Variants in TBC1D8 observed in about 807,000 individuals in gnomAD.
TBC1D8 encodes TBC1 domain family member 8.
TBC1D8 carries 65 observed loss-of-function variants against 118.8 expected under a neutral mutation model. The observed-to-expected ratio is 0.55, with a 90% CI of 0.45 to 0.67. The LOEUF (loss-of-function observed/expected upper bound fraction) is 0.67. TBC1D8 is among the 30% of genes least tolerant of loss of function. The pLI, the probability that TBC1D8 is intolerant of heterozygous loss-of-function variation, is 0.00. For synonymous variants in TBC1D8, 566 were observed against 595.8 expected (o/e 0.95, Z 0.73); for missense variants, 1,376 against 1,471.2 (o/e 0.94, Z 1.06).
At chr2:101,013,455 C>G (rs1242351958) in intron 17 of TBC1D8, among the ~76,000 whole-genome samples, 1 of 152,210 alleles carries the variant, frequency 6.6e-6, no homozygotes, top group Non-Finnish European at 1.5e-5. Flanking sequence ...AATGGATTGA[C>G]AGACAATTTC....
intron 1 of TBC1D8, among the ~76,000 whole-genome samples, chr2:101,106,677 C>G (rs569453903): frequency 6.6e-6 from 1 of 152,176 alleles, no homozygotes; most frequent in Non-Finnish European, 1.5e-5. Context: ...AACACACATT[C>G]GGTAGAAACC....
At chr2:101,082,811 T>C (rs2105448931) in intron 2 of TBC1D8, among the ~76,000 whole-genome samples, 1 of 151,510 alleles carries the variant, frequency 6.6e-6, no homozygotes, top group Middle Eastern at 3.4e-3. Flanking sequence ...CAGGTAGAGT[T>C]TCAGTTTGGG....
At position 101,007,283 on chromosome 2, in the gene TBC1D8, T is replaced by A. The variant is rs1057591; in HGVS notation, c.*538A>T. ...TGGAAGCCAACATTGAAAGCATGGTTTGTACACAACAACATTTTTGGAAGG... is the reference window on the plus strand; with the variant it reads ...TGGAAGCCAACATTGAAAGCATGGTATGTACACAACAACATTTTTGGAAGG... On this transcript the variant is annotated 3_prime_UTR_variant, in exon 20 of 20. Transcript: ENST00000409318. The A allele has an allele frequency of 0.25, 38,792 of 152,404 alleles. 5,538 individuals are homozygous for A. Among genetic ancestry groups the A allele is most frequent in the South Asian group, 0.38 (1,828 of 4,828 alleles). 9.4% of individuals were successfully genotyped at this position (152,404 alleles called of 1,614,324 possible).
intron 1 of TBC1D8, among the ~76,000 whole-genome samples, chr2:101,123,387 A>T (rs1373821497): frequency 6.6e-6 from 1 of 152,112 alleles, no homozygotes; most frequent in Admixed American, 6.6e-5. Flanking sequence ...GGTTGTACAT[A>T]GTGCAAATTA....
At chr2:101,059,087 T>C (rs1212222811) in intron 3 of TBC1D8, among the ~76,000 whole-genome samples, 4 of 152,074 alleles carry the variant, frequency 2.6e-5, no homozygotes, top group South Asian at 2.1e-4. Flanking sequence ...TTTGTATTTT[T>C]TAGTACAGAT....
At chr2:101,118,500 T>G (rs947033083) in intron 1 of TBC1D8, among the ~76,000 whole-genome samples, 1 of 148,040 alleles carries the variant, frequency 6.8e-6, no homozygotes, top group Non-Finnish European at 1.5e-5. Flanking sequence ...ATCGAGACCA[T>G]CCTGGCTAAC....
intron 1 of TBC1D8, among the ~76,000 whole-genome samples, chr2:101,117,698 T>C (rs952208005): frequency 1.3e-5 from 2 of 151,028 alleles, no homozygotes; most frequent in East Asian, 2.0e-4. Flanking sequence ...CTCAGCCTCC[T>C]GAGTAGCTGG....
At chr2:101,093,311 G>A (rs1676167937) in intron 1 of TBC1D8, among the ~76,000 whole-genome samples, 1 of 152,102 alleles carries the variant, frequency 6.6e-6, no homozygotes, top group South Asian at 2.1e-4. Context: ...CCTAGCCCCA[G>A]CACTGTTCCA....
At chr2:101,037,382 T>A in intron 8 of TBC1D8, 150 bp downstream of exon 8, 1 of 1,160,292 alleles carries the variant, frequency 8.6e-7, no homozygotes, top group Non-Finnish European at 1.2e-6. Flanking sequence ...ACCTCAGTGG[T>A]CACTTTTCAC....
intron 2 of TBC1D8, among the ~76,000 whole-genome samples, chr2:101,060,320 T>C (rs748686574): frequency 2.6e-4 from 39 of 152,202 alleles, no homozygotes; most frequent in Non-Finnish European, 8.8e-5. Context: ...AATGAGCCTC[T>C]TGCCAGGGCC....
At chr2:101,126,869 T>G (rs765739752) in intron 1 of TBC1D8, among the ~76,000 whole-genome samples, 2 of 152,156 alleles carry the variant, frequency 1.3e-5, no homozygotes, top group Non-Finnish European at 2.9e-5. Context: ...TCTGTCCAAT[T>G]CTTTGAAGAC....
intron 19 of TBC1D8, 66 bp from the exon 20 acceptor site, chr2:101,008,339 C>T: frequency 7.8e-7 from 1 of 1,274,328 alleles, no homozygotes; most frequent in South Asian, 1.7e-5. Flanking sequence ...TTTTTTTAAA[C>T]ATACCTGTGA....
chr2:101,136,138 C>T (rs1433488814), intron 1 of TBC1D8, among the ~76,000 whole-genome samples: 1 of 152,084 alleles, frequency 6.6e-6, no homozygotes, highest in African/African-American at 2.4e-5. Flanking sequence ...ACAGCATGAG[C>T]CACTGGCCTG....
intron 3 of TBC1D8, among the ~76,000 whole-genome samples, chr2:101,057,450 A>G (rs565191248): frequency 6.6e-6 from 1 of 152,354 alleles, no homozygotes; most frequent in African/African-American, 2.4e-5. Flanking sequence ...CTGAGATGCT[A>G]TGTAAGCCCA....
At chr2:101,082,293 A>C (rs376090904) in intron 2 of TBC1D8, among the ~76,000 whole-genome samples, 2 of 152,190 alleles carry the variant, frequency 1.3e-5, no homozygotes, top group Non-Finnish European at 2.9e-5. Flanking sequence ...AGCACAGGAC[A>C]GAGTCATGAC....
chr2:101,033,849 G>A (rs191171770), intron 9 of TBC1D8, 91 bp from the exon 10 acceptor site: 12 of 1,413,242 alleles, frequency 8.5e-6, no homozygotes, highest in Non-Finnish European at 2.9e-6. Context: ...GGACCCCAGT[G>A]GGGTCTCGTT....
intron 1 of TBC1D8, 104 bp from the exon 2 acceptor site, chr2:101,090,468 CAG>C: frequency 8.0e-7 from 1 of 1,255,912 alleles, no homozygotes; most frequent in Non-Finnish European, 1.1e-6. Flanking sequence ...GCTGGGGTAG[CAG>C]AGACAGTTTT....
At chr2:101,089,010 T>C (rs922828595) in intron 2 of TBC1D8, among the ~76,000 whole-genome samples, 2 of 152,144 alleles carry the variant, frequency 1.3e-5, no homozygotes, top group African/African-American at 4.8e-5. Context: ...CCATGGGATA[T>C]GAATGTGAAT....
chr2:101,046,683 G>T (rs889915358), intron 5 of TBC1D8, among the ~76,000 whole-genome samples: 2 of 152,072 alleles, frequency 1.3e-5, no homozygotes, highest in African/African-American at 4.8e-5. Flanking sequence ...AGGGAGAGTG[G>T]GGGGAGGGGA....
Sources: allele counts gnomAD v4.1 joint callset (sites outside exome capture counted in the v4.1 genomes callset), GRCh38; gene constraint gnomAD v4.1.1; transcripts MANE v1.5; gene names NCBI Gene and HGNC (gene_info 2026-07-23, HGNC 2026-07-21).